Variants in RANBP2 observed in about 807,000 individuals in gnomAD.
RANBP2 encodes the protein RAN binding protein 2, also known as E3 SUMO-protein ligase RanBP2.
Under a neutral mutation model 303.6 loss-of-function variants are expected in RANBP2, and 57 were observed. That is an observed-to-expected ratio of 0.19 (90% CI 0.15 to 0.23). RANBP2 has a LOEUF of 0.23. RANBP2 is among the 10% of genes least tolerant of loss of function. The probability of loss-of-function intolerance (pLI) is 1.00; values close to 1 mark genes in which losing one functional copy is unlikely to be tolerated. For synonymous variants in RANBP2, 1,167 were observed against 1,301.5 expected, an observed-to-expected ratio of 0.90 and a Z score of 2.23; for missense variants, 3,138 against 3,780.8, an observed-to-expected ratio of 0.83 and a Z score of 4.46.
chr2:109,031,308 C>T, the RANBP2 span, among the ~76,000 whole-genome samples: 7 of 152,262 alleles, frequency 4.6e-5, no homozygotes, highest in African/African-American at 7.2e-5. Context: ...CAGATGGGGG[C>T]TCTGATGTGG....
the RANBP2 span, among the ~76,000 whole-genome samples, chr2:109,387,336 C>A: frequency 6.6e-6 from 1 of 152,326 alleles, no homozygotes; most frequent in African/African-American, 2.4e-5. Flanking sequence ...TGCTGTAGAG[C>A]CCTCCGGTTC....
the RANBP2 span, among the ~76,000 whole-genome samples, chr2:109,669,733 C>G: frequency 2.0e-5 from 3 of 152,170 alleles, no homozygotes; most frequent in Non-Finnish European, 2.9e-5. Flanking sequence ...GCTCTTTTAC[C>G]GGCTCCCTGG....
chr2:109,533,530 C>T, the RANBP2 span, among the ~76,000 whole-genome samples: 7 of 152,234 alleles, frequency 4.6e-5, no homozygotes, highest in East Asian at 1.9e-4. Flanking sequence ...GAGGAGGCTG[C>T]GGATGGGTAA....
At chr2:108,831,460 G>A in the RANBP2 span, among the ~76,000 whole-genome samples, 1 of 152,072 alleles carries the variant, frequency 6.6e-6, no homozygotes, top group Non-Finnish European at 1.5e-5. Flanking sequence ...AAATACTGTC[G>A]GAAGAGGCTT....
the RANBP2 span, among the ~76,000 whole-genome samples, chr2:109,623,572 T>C: frequency 6.6e-6 from 1 of 152,218 alleles, no homozygotes; most frequent in Non-Finnish European, 1.5e-5. Context: ...GGATGGCTTT[T>C]GGCAGGCGAC....
chr2:109,194,119 A>G, the RANBP2 span, among the ~76,000 whole-genome samples: 1 of 152,266 alleles, frequency 6.6e-6, no homozygotes, highest in African/African-American at 2.4e-5. Context: ...ATGCATGGGC[A>G]GTTGCTGTTG....
chr2:109,240,820 C>T, the RANBP2 span, among the ~76,000 whole-genome samples: 1 of 152,064 alleles, frequency 6.6e-6, no homozygotes, highest in Non-Finnish European at 1.5e-5. Context: ...AAGGTTACTT[C>T]TTCCTACTGG....
At chr2:109,438,093 G>A in the RANBP2 span, among the ~76,000 whole-genome samples, 16 of 152,208 alleles carry the variant, frequency 1.1e-4, no homozygotes, top group Non-Finnish European at 1.6e-4. Context: ...TAACGAACAC[G>A]ATGACCCATT....
the RANBP2 span, among the ~76,000 whole-genome samples, chr2:109,072,336 G>A: frequency 4.6e-5 from 7 of 152,260 alleles, no homozygotes; most frequent in South Asian, 2.1e-4. Flanking sequence ...ACATGATTCC[G>A]TGAAAGAAAC....
At chr2:108,884,848 G>A in the RANBP2 span, 1 of 152,360 alleles carries the variant, frequency 6.6e-6, no homozygotes, top group East Asian at 1.9e-4. Flanking sequence ...AGGAATTGAA[G>A]GCGGGTCTGC....
the RANBP2 span, among the ~76,000 whole-genome samples, chr2:109,707,040 C>T: frequency 5.3e-5 from 8 of 152,104 alleles, no homozygotes; most frequent in Non-Finnish European, 7.3e-5. Flanking sequence ...GCTGGAGGGA[C>T]GAAAGGAGAT....
chr2:109,349,810 C>A, the RANBP2 span, among the ~76,000 whole-genome samples: 2 of 152,224 alleles, frequency 1.3e-5, no homozygotes, highest in East Asian at 1.9e-4. Flanking sequence ...CTGTCATCAC[C>A]ATATAACCTG....
At chr2:109,262,042 C>A in the RANBP2 span, among the ~76,000 whole-genome samples, 1 of 152,162 alleles carries the variant, frequency 6.6e-6, no homozygotes, top group Non-Finnish European at 1.5e-5. Flanking sequence ...GGTCGGTGGC[C>A]CGGCTGCTGA....
the RANBP2 span, among the ~76,000 whole-genome samples, chr2:109,725,430 A>C: frequency 6.6e-6 from 1 of 152,106 alleles, no homozygotes; most frequent in Non-Finnish European, 1.5e-5. Context: ...ATCAATAACC[A>C]CCTTATCCAA....
At chr2:108,775,960 A>G (rs1046573858) in intron 24 of RANBP2, 24 bp downstream of exon 24, 5 of 1,581,936 alleles carry the variant, frequency 3.2e-6, no homozygotes, top group Admixed American at 1.7e-5. Context: ...TATGTTTATC[A>G]TGTGTTACAT....
At chr2:109,297,472 G>T in the RANBP2 span, among the ~76,000 whole-genome samples, 2 of 151,986 alleles carry the variant, frequency 1.3e-5, no homozygotes, top group African/African-American at 4.8e-5. Flanking sequence ...GGGGTGCCTG[G>T]TGTGGGTCAG....
chr2:109,213,536 T>C, the RANBP2 span, among the ~76,000 whole-genome samples: 1 of 152,148 alleles, frequency 6.6e-6, no homozygotes. Context: ...GAAGCCTCTA[T>C]CACCTAACAG....
chr2:109,706,922 T>C, the RANBP2 span, among the ~76,000 whole-genome samples: 1 of 152,060 alleles, frequency 6.6e-6, no homozygotes, highest in African/African-American at 2.4e-5. Context: ...CAGTTTCAGT[T>C]CCACCGAGGG....
At chr2:108,886,945 G>A in the RANBP2 span, among the ~76,000 whole-genome samples, 8 of 152,066 alleles carry the variant, frequency 5.3e-5, no homozygotes, top group Non-Finnish European at 5.9e-5. Context: ...TGCTTTTGAG[G>A]TCTCAGTCAT....
Sources: allele counts gnomAD v4.1 joint callset (sites outside exome capture counted in the v4.1 genomes callset), GRCh38; gene constraint gnomAD v4.1.1; transcripts MANE v1.5; gene names NCBI Gene and HGNC (gene_info 2026-07-23, HGNC 2026-07-21).